NEK10: variants seen among roughly 807,000 people sequenced by gnomAD.
The protein encoded by NEK10 is NIMA related kinase 10.
A neutral mutation model predicts 159.8 loss-of-function variants in NEK10; 122 were observed. The observed-to-expected ratio is 0.76, with a 90% CI of 0.66 to 0.89. NEK10 has a LOEUF of 0.89. Among genes scored for constraint, NEK10 ranks in the 40% least tolerant of loss-of-function variants. The probability of loss-of-function intolerance (pLI) is 0.00; values close to 1 mark genes in which losing one functional copy is unlikely to be tolerated. For missense variants in NEK10, 1,342 were observed against 1,323.1 expected, an observed-to-expected ratio of 1.01 and a Z score of -0.22; for synonymous variants, 466 against 457.1, an observed-to-expected ratio of 1.02 and a Z score of -0.25.
intron 28 of NEK10, 92 bp downstream of exon 28, chr3:27,174,347 G>A (rs1947299576): frequency 1.3e-6 from 2 of 1,591,794 alleles, no homozygotes; most frequent in Non-Finnish European, 1.7e-6. Flanking sequence ...ACTGGGTTAT[G>A]TATATGGTGA....
In NEK10 at chr3:27,169,653, G is replaced by A. The variant is rs370765490; in HGVS notation, c.2831+2166C>T. ...AAAGGATTTGTCTATAGAAACCTTC[G>A]TTTGTCACCTAACTGAATCCCCCAG... On this transcript the variant is annotated intron_variant, in intron 29 of 35. Coordinates refer to ENST00000691995, the MANE Select transcript of NEK10 (RefSeq NM_001394966.1). 8.5e-5 allele frequency among the ~76,000 whole-genome samples: 13 copies of A among 152,138 alleles called. 1 individual carries two copies. Among genetic ancestry groups the A allele is most frequent in the Middle Eastern group, 3.2e-3 (1 of 316 alleles).
At chr3:27,273,998 T>G (rs2041577837) in intron 22 of NEK10, among the ~76,000 whole-genome samples, 1 of 152,166 alleles carries the variant, frequency 6.6e-6, no homozygotes, top group East Asian at 1.9e-4. Flanking sequence ...TTCCTGACCT[T>G]CAGCTAAATG....
intron 12 of NEK10, among the ~76,000 whole-genome samples, chr3:27,303,894 C>T (rs2044031835): frequency 6.6e-6 from 1 of 152,104 alleles, no homozygotes; most frequent in Admixed American, 6.5e-5. Flanking sequence ...AAAGACGATC[C>T]AGTTCAAGGA....
intron 1 of NEK10, among the ~76,000 whole-genome samples, chr3:27,358,840 C>T (rs1318764190): frequency 6.6e-6 from 1 of 152,124 alleles, no homozygotes; most frequent in Non-Finnish European, 1.5e-5. Flanking sequence ...CTACTAATCA[C>T]TCAGGTTGCA....
intron 30 of NEK10, among the ~76,000 whole-genome samples, chr3:27,153,625 C>T (rs1203070781): frequency 2.0e-5 from 3 of 152,022 alleles, no homozygotes; most frequent in Admixed American, 1.3e-4. Flanking sequence ...CCACAGTGGA[C>T]TAAAAGTGGA....
chr3:27,289,899 T>C (rs752194557), intron 19 of NEK10, among the ~76,000 whole-genome samples: 18 of 152,216 alleles, frequency 1.2e-4, no homozygotes, highest in Non-Finnish European at 2.6e-4. Context: ...TTTATGGAAT[T>C]TGTTACATCC....
intron 23 of NEK10, among the ~76,000 whole-genome samples, chr3:27,245,077 A>T (rs1212978321): frequency 6.6e-6 from 1 of 152,066 alleles, no homozygotes; most frequent in Non-Finnish European, 1.5e-5. Context: ...ATTGTTCTTC[A>T]TATTAAACTT....
chr3:27,360,525 G>C (rs1575930450), intron 1 of NEK10, among the ~76,000 whole-genome samples: 1 of 152,180 alleles, frequency 6.6e-6, no homozygotes, highest in African/African-American at 2.4e-5. Flanking sequence ...GCATCTTTAG[G>C]AGTGAAGGAG....
chr3:27,126,496 A>G (rs1941960472), intron 32 of NEK10, among the ~76,000 whole-genome samples: 1 of 152,176 alleles, frequency 6.6e-6, no homozygotes, highest in African/African-American at 2.4e-5. Context: ...CCTGTTGGAT[A>G]TACCATAAGT....
intron 22 of NEK10, among the ~76,000 whole-genome samples, chr3:27,265,393 C>T (rs2040805102): frequency 6.6e-6 from 1 of 152,132 alleles, no homozygotes; most frequent in Non-Finnish European, 1.5e-5. Flanking sequence ...TTTCTCTCAC[C>T]AGAAATTTGA....
chr3:27,365,865 G>T (rs758436861), intron 1 of NEK10, among the ~76,000 whole-genome samples: 1 of 151,726 alleles, frequency 6.6e-6, no homozygotes, highest in African/African-American at 2.4e-5. Flanking sequence ...CTCCCGCCTC[G>T]GCCTCCCAAA....
intron 25 of NEK10, among the ~76,000 whole-genome samples, chr3:27,199,153 A>G (rs149204679): frequency 0.015 from 2,350 of 152,218 alleles, 33 homozygotes; most frequent in South Asian, 0.049. Context: ...AGCAAAGGAT[A>G]CTATCAACAG....
chr3:27,359,874 C>A (rs577449049), intron 1 of NEK10, among the ~76,000 whole-genome samples: 2 of 152,264 alleles, frequency 1.3e-5, no homozygotes, highest in African/African-American at 4.8e-5. Flanking sequence ...AAACAATTTT[C>A]TTTTTGCAAA....
chr3:27,280,870 TTTTATATGTGTGTG>T (rs1179930258), intron 22 of NEK10, among the ~76,000 whole-genome samples: 9 of 151,450 alleles, frequency 5.9e-5, no homozygotes, highest in Non-Finnish European at 1.0e-4. Context: ...GTTATATATG[TTTTATATGTGTGTG>T]TGTATATGTG....
At chr3:27,314,443 T>C in intron 6 of NEK10, 105 bp from the exon 7 acceptor site, 1 of 726,690 alleles carries the variant, frequency 1.4e-6, no homozygotes, top group East Asian at 2.7e-5. Context: ...ATAATTATAT[T>C]GTGAAGGTCT....
intron 19 of NEK10, among the ~76,000 whole-genome samples, chr3:27,289,209 G>A (rs2042828068): frequency 6.6e-6 from 1 of 152,138 alleles, no homozygotes; most frequent in South Asian, 2.1e-4. Context: ...CCTTCAACCT[G>A]GTTTACTCAC....
intron 1 of NEK10, among the ~76,000 whole-genome samples, chr3:27,357,235 G>T (rs1311032903): frequency 6.6e-6 from 1 of 152,130 alleles, no homozygotes; most frequent in Non-Finnish European, 1.5e-5. Context: ...ATTCACCAGA[G>T]AATGGTGAGT....
intron 1 of NEK10, among the ~76,000 whole-genome samples, chr3:27,356,019 G>C (rs967103802): frequency 6.6e-6 from 1 of 152,130 alleles, no homozygotes; most frequent in African/African-American, 2.4e-5. Flanking sequence ...CTCATGAGTG[G>C]GTTTAGTGCA....
intron 22 of NEK10, among the ~76,000 whole-genome samples, chr3:27,261,954 A>C (rs1303933789): frequency 6.6e-6 from 1 of 152,144 alleles, no homozygotes; most frequent in Non-Finnish European, 1.5e-5. Context: ...TTCTTGTTGA[A>C]TTGATCCCTT....
Sources: gnomAD v4.1 joint callset for allele counts (sites outside exome capture counted in the v4.1 genomes callset) on GRCh38, gnomAD v4.1.1 for gene constraint, MANE v1.5 for transcripts, NCBI Gene and HGNC (gene_info 2026-07-23, HGNC 2026-07-21) for gene names.